The following PRKCA variants were observed in gnomAD, a reference collection of about 807,000 sequenced individuals.
PRKCA encodes the protein protein kinase C alpha type.
A neutral mutation model predicts 87.0 loss-of-function variants in PRKCA; 27 were observed. The observed-to-expected ratio is 0.31, with a 90% CI of 0.23 to 0.43. PRKCA has a LOEUF of 0.43. Among genes scored for constraint, PRKCA ranks in the 20% least tolerant of loss-of-function variants. PRKCA has a pLI of 1.00. For missense variants in PRKCA, 518 were observed against 852.3 expected (o/e 0.61, Z 4.88); for synonymous variants, 329 against 311.1 (o/e 1.06, Z -0.61).
At chr17:66,512,141 A>C (rs954256592) in intron 3 of PRKCA, among the ~76,000 whole-genome samples, 1 of 152,048 alleles carries the variant, frequency 6.6e-6, no homozygotes, top group Non-Finnish European at 1.5e-5. Context: ...AGCTAGTCTG[A>C]TGTTTTGCAA....
chr17:66,420,892 G>A (rs1912452547), intron 2 of PRKCA, among the ~76,000 whole-genome samples: 1 of 152,066 alleles, frequency 6.6e-6, no homozygotes, highest in African/African-American at 2.4e-5. Flanking sequence ...CCTCCTTTGT[G>A]GAATTTCAAA....
rs537090013 is a variant in PRKCA at position 66,733,259 on chromosome 17, AC to A, written c.1056+437del. Among the ~76,000 whole-genome samples, 284 of 152,170 alleles carry A rather than the reference AC, an allele frequency of 1.9e-3. 11 individuals carry two copies. The South Asian group carries it at 0.058, about 31-fold the overall frequency. On this transcript the variant is annotated intron_variant, in intron 9 of 16. Transcript: ENST00000413366. Reference sequence around the variant, plus strand: ...GTTTATTGGTGGTATCAGTTTGCAAACCCATAAAAGAAAGTCTATGGTGTGA... The same window carrying A: ...GTTTATTGGTGGTATCAGTTTGCAAACCATAAAAGAAAGTCTATGGTGTGA...
Position 66,407,773 on chromosome 17 carries a change from G to A in PRKCA, c.206-88428G>A, listed in dbSNP as rs555943858. Among the ~76,000 whole-genome samples, 12 of 152,086 alleles carry A rather than the reference G, an allele frequency of 7.9e-5. No homozygotes were observed. In the South Asian group the frequency reaches 1.0e-3, roughly 13 times the overall value. On this transcript the variant is annotated intron_variant, in intron 2 of 16. Transcript: ENST00000413366. ...AATTAGCATATTAGTTTAAAAAAGT[G>A]TTGTATTTTATGGTTCATTAACAGA...
chr17:66,720,816 T>C (rs1267345486), intron 8 of PRKCA, among the ~76,000 whole-genome samples: 1 of 152,236 alleles, frequency 6.6e-6, no homozygotes, highest in Admixed American at 6.5e-5. Context: ...CGTGGAATCT[T>C]AGAAGTAGAA....
At chr17:66,777,874 T>A (rs190923058) in intron 14 of PRKCA, 3 of 985,320 alleles carry the variant, frequency 3.0e-6, no homozygotes, top group East Asian at 2.3e-4. Context: ...AAAGTCCTCC[T>A]CCCTCCCGCA....
intron 2 of PRKCA, among the ~76,000 whole-genome samples, chr17:66,444,962 C>T (rs1913958597): frequency 6.6e-6 from 1 of 152,198 alleles, no homozygotes; most frequent in African/African-American, 2.4e-5. Context: ...CACTCTCACA[C>T]ATACAGACTC....
intron 2 of PRKCA, among the ~76,000 whole-genome samples, chr17:66,441,079 T>C (rs1038251484): frequency 1.3e-5 from 2 of 150,562 alleles, no homozygotes; most frequent in South Asian, 2.1e-4. Flanking sequence ...TGAGAATTCC[T>C]TGGACCCGGG....
intron 16 of PRKCA, among the ~76,000 whole-genome samples, chr17:66,796,156 T>C (rs945844608): frequency 5.3e-5 from 8 of 152,214 alleles, no homozygotes; most frequent in African/African-American, 1.9e-4. Flanking sequence ...AGTTAAGTGG[T>C]AGAGAAGGGC....
chr17:66,302,889 C>T lies in PRKCA; in HGVS notation c.38C>T (p.Ser13Phe), dbSNP rs1220774095. ...DVFPGNDSTASQDVANRFARK... is the reference protein window; with the variant it reads ...DVFPGNDSTAFQDVANRFARK... Reference sequence around the variant, plus strand: ...TTCCCGGGCAACGACTCCACGGCGTCTCAGGACGTGGCCAACCGCTTCGCC... The same window carrying T: ...TTCCCGGGCAACGACTCCACGGCGTTTCAGGACGTGGCCAACCGCTTCGCC... The change falls in exon 1 of 17, where the codon TCT (serine) becomes TTT (phenylalanine). Residue 13 changes from serine (S) to phenylalanine (F), a missense_variant. Transcript: ENST00000413366. The T allele has an allele frequency of 6.2e-7, 1 of 1,606,492 alleles. No homozygotes were observed. The highest frequency in any genetic ancestry group is 8.5e-7 in the Non-Finnish European group (1 of 1,175,930).
intron 2 of PRKCA, among the ~76,000 whole-genome samples, chr17:66,369,583 C>T (rs1908972020): frequency 6.6e-6 from 1 of 152,200 alleles, no homozygotes; most frequent in African/African-American, 2.4e-5. Flanking sequence ...CTTATTTCAT[C>T]CCCAAGCATT....
chr17:66,473,394 G>A lies in PRKCA; in HGVS notation c.206-22807G>A, dbSNP rs1915407963. On this transcript the variant is annotated intron_variant, in intron 2 of 16. Coordinates refer to ENST00000413366, the MANE Select transcript of PRKCA (RefSeq NM_002737.3). ...TACCCATCTCTTCCTTTCAGCTGGAGCCGCTGTGCCCATTTCAGACTCTGC... is the reference window on the plus strand; with the variant it reads ...TACCCATCTCTTCCTTTCAGCTGGAACCGCTGTGCCCATTTCAGACTCTGC... Among the ~76,000 whole-genome samples the A allele has an allele frequency of 2.0e-5, 3 of 152,144 alleles. No homozygotes were observed. In the South Asian group the frequency reaches 6.2e-4, roughly 32 times the overall value.
intron 3 of PRKCA, among the ~76,000 whole-genome samples, chr17:66,554,741 A>T (rs913492586): frequency 5.9e-5 from 9 of 152,146 alleles, no homozygotes; most frequent in African/African-American, 2.2e-4. Context: ...TGTTCTGTTG[A>T]AGAGGAGGCC....
chr17:66,484,760 G>GTTGGTTTTTGTTGGCTTTTA (rs1915926017), intron 2 of PRKCA, among the ~76,000 whole-genome samples: 1 of 152,084 alleles, frequency 6.6e-6, no homozygotes, highest in African/African-American at 2.4e-5. Context: ...TACCAATCTT[G>GTTGGTTTTTGTTGGCTTTTA]TTTCATCCAT....
rs936356633 is a variant in PRKCA at position 66,805,357 on chromosome 17, G to A, written c.*1320G>A. ...TATAATCGTATCAAGTATAAAGAGA[G>A]TATTATAATAATTTTATAAGACACA... On this transcript the variant is annotated 3_prime_UTR_variant, in exon 17 of 17. Coordinates refer to ENST00000413366, the MANE Select transcript of PRKCA (RefSeq NM_002737.3). 3.8e-5 allele frequency: 6 copies of A among 158,284 alleles called. No individual in the cohort carries two copies. The highest frequency in any genetic ancestry group is 3.3e-4 in the Admixed American group (5 of 15,278). The allele number at this position is 158,284 out of a possible 1,614,324, so 9.8% of individuals were successfully genotyped here.
intron 2 of PRKCA, among the ~76,000 whole-genome samples, chr17:66,464,355 A>C (rs574131105): frequency 4.2e-4 from 64 of 152,310 alleles, no homozygotes; most frequent in Middle Eastern, 3.4e-3. Flanking sequence ...GCAGGTTTTC[A>C]TACATTTTAA....
chr17:66,678,921 G>C (rs1050567921), intron 5 of PRKCA, among the ~76,000 whole-genome samples: 1 of 152,088 alleles, frequency 6.6e-6, no homozygotes, highest in Non-Finnish European at 1.5e-5. Flanking sequence ...TGTGCTGTTT[G>C]TCCTAGAATT....
At chr17:66,414,437 C>T (rs539837967) in intron 2 of PRKCA, among the ~76,000 whole-genome samples, 3 of 152,328 alleles carry the variant, frequency 2.0e-5, no homozygotes, top group African/African-American at 4.8e-5. Flanking sequence ...TGTCACCATG[C>T]TTCCTGTACG....
intron 3 of PRKCA, among the ~76,000 whole-genome samples, chr17:66,611,739 A>G (rs1034555561): frequency 1.3e-5 from 2 of 152,170 alleles, no homozygotes; most frequent in African/African-American, 4.8e-5. Flanking sequence ...ATTTTGAAGA[A>G]CTGGCAGTTT....
intron 3 of PRKCA, among the ~76,000 whole-genome samples, chr17:66,552,490 A>T (rs1252383791): frequency 6.6e-6 from 1 of 152,170 alleles, no homozygotes; most frequent in Non-Finnish European, 1.5e-5. Flanking sequence ...CTGGGGAAGG[A>T]TCTGCTTCTA....
Sources: gnomAD v4.1 joint callset for allele counts (sites outside exome capture counted in the v4.1 genomes callset) on GRCh38, gnomAD v4.1.1 for gene constraint, MANE v1.5 for transcripts, NCBI Gene and HGNC (gene_info 2026-07-23, HGNC 2026-07-21) for gene names.